Variants in RPS6KC1 observed in about 807,000 individuals in gnomAD.
The protein encoded by RPS6KC1 is ribosomal protein S6 kinase C1.
RPS6KC1 carries 54 observed loss-of-function variants against 103.8 expected under a neutral mutation model. The ratio of observed to expected loss-of-function variants is 0.52; its 90% CI spans 0.42 to 0.65. RPS6KC1 has a LOEUF of 0.65. RPS6KC1 is among the 30% of genes least tolerant of loss of function. The probability of loss-of-function intolerance (pLI) is 0.00; values close to 1 mark genes in which losing one functional copy is unlikely to be tolerated. For synonymous variants in RPS6KC1, 439 were observed against 438.7 expected, an observed-to-expected ratio of 1.00 and a Z score of -0.01; for missense variants, 1,151 against 1,253.8, an observed-to-expected ratio of 0.92 and a Z score of 1.24.
the RPS6KC1 span, among the ~76,000 whole-genome samples, chr1:213,755,262 C>T: frequency 8.7e-4 from 133 of 152,200 alleles, no homozygotes; most frequent in African/African-American, 2.9e-3. Context: ...GCAAAAGCTG[C>T]GAAAACTTTT....
the RPS6KC1 span, among the ~76,000 whole-genome samples, chr1:213,357,374 T>C: frequency 6.6e-6 from 1 of 152,154 alleles, no homozygotes; most frequent in Non-Finnish European, 1.5e-5. Context: ...TGGCTCTGGG[T>C]CTACCTAGAT....
intron 3 of RPS6KC1, among the ~76,000 whole-genome samples, chr1:213,082,475 A>G (rs1263350030): frequency 1.3e-5 from 2 of 152,136 alleles, no homozygotes; most frequent in East Asian, 1.9e-4. Context: ...TTGGAGCCTC[A>G]TGGTATTCGG....
At chr1:213,818,932 G>T in the RPS6KC1 span, 3 of 152,200 alleles carry the variant, frequency 2.0e-5, no homozygotes, top group Admixed American at 6.5e-5. Flanking sequence ...TAGTCCTTTT[G>T]CCTCCTCCGT....
At chr1:213,482,686 C>CT in the RPS6KC1 span, among the ~76,000 whole-genome samples, 5 of 150,724 alleles carry the variant, frequency 3.3e-5, no homozygotes, top group Non-Finnish European at 7.4e-5. Context: ...GTAGCTGGGA[C>CT]TACAGGCATG....
chr1:213,176,049 A>G (rs922341971), intron 7 of RPS6KC1, among the ~76,000 whole-genome samples: 3 of 152,104 alleles, frequency 2.0e-5, no homozygotes, highest in African/African-American at 7.2e-5. Flanking sequence ...TAAGACTGGG[A>G]TTGATTGTTG....
chr1:213,393,484 G>C, the RPS6KC1 span, among the ~76,000 whole-genome samples: 2 of 152,140 alleles, frequency 1.3e-5, no homozygotes, highest in African/African-American at 4.8e-5. Context: ...TCACCATCCT[G>C]CATGCTGCTG....
At chr1:213,777,715 C>A in the RPS6KC1 span, among the ~76,000 whole-genome samples, 2 of 152,186 alleles carry the variant, frequency 1.3e-5, no homozygotes, top group Non-Finnish European at 2.9e-5. Flanking sequence ...GCCTGTATAG[C>A]AATCCTACAT....
chr1:213,479,515 GT>G, the RPS6KC1 span, among the ~76,000 whole-genome samples: 3 of 151,834 alleles, frequency 2.0e-5, no homozygotes, highest in African/African-American at 7.3e-5. Context: ...TATATTGGTC[GT>G]TTTCTCATTT....
At chr1:213,157,853 G>A (rs1163394457) in intron 6 of RPS6KC1, among the ~76,000 whole-genome samples, 1 of 152,136 alleles carries the variant, frequency 6.6e-6, no homozygotes, top group Non-Finnish European at 1.5e-5. Context: ...AGATCTGTTA[G>A]TAGATGCAGG....
chr1:213,719,557 G>T, the RPS6KC1 span, among the ~76,000 whole-genome samples: 32,046 of 117,192 alleles, frequency 0.27, 3,847 homozygotes, highest in South Asian at 0.38. Context: ...TTCTTAGTTC[G>T]TTTTTTTTAA....
the RPS6KC1 span, among the ~76,000 whole-genome samples, chr1:213,860,149 A>C: frequency 6.6e-6 from 1 of 150,960 alleles, no homozygotes; most frequent in African/African-American, 2.4e-5. Context: ...ATATATCTGA[A>C]TATATATAGG....
chr1:213,103,150 TTGATCACTC>T (rs2082157328), intron 3 of RPS6KC1, among the ~76,000 whole-genome samples: 1 of 151,818 alleles, frequency 6.6e-6, no homozygotes, highest in African/African-American at 2.4e-5. Context: ...CAGTGAGGTT[TTGATCACTC>T]TGGGTGACAG....
rs192764013 is a variant in RPS6KC1 at position 213,271,317 on chromosome 1, G to A, written c.3091-1207G>A. On this transcript the variant is annotated intron_variant, in intron 14 of 14. Coordinates refer to ENST00000366960, the MANE Select transcript of RPS6KC1 (RefSeq NM_012424.6). ...ATAATGATAAGTGAAAGAAGGCAGC[G>A]TCAAAAGACTACATATTTTATTATT... Among the ~76,000 whole-genome samples the A allele has an allele frequency of 3.2e-4, 49 of 152,180 alleles. 1 individual carries two copies. The highest frequency in any genetic ancestry group is 2.5e-3 in the South Asian group (12 of 4,816).
the RPS6KC1 span, among the ~76,000 whole-genome samples, chr1:213,623,446 C>T: frequency 2.0e-5 from 3 of 152,102 alleles, no homozygotes; most frequent in East Asian, 1.9e-4. Context: ...CGAGGGATGC[C>T]GGAAATATAA....
chr1:213,341,732 A>G, the RPS6KC1 span, among the ~76,000 whole-genome samples: 786 of 152,290 alleles, frequency 5.2e-3, 6 homozygotes, highest in African/African-American at 0.018. Context: ...TCTTTGTCTC[A>G]TGGATAAGAA....
the RPS6KC1 span, among the ~76,000 whole-genome samples, chr1:213,613,601 A>G: frequency 6.6e-6 from 1 of 152,240 alleles, no homozygotes; most frequent in Admixed American, 6.5e-5. Flanking sequence ...TGTATCTATT[A>G]TCCTCTCCTT....
At position 213,099,275 on chromosome 1, in the gene RPS6KC1, C is replaced by T. The variant is rs571854999; in HGVS notation, c.263-5179C>T. On this transcript the variant is annotated intron_variant, in intron 3 of 14. Coordinates refer to ENST00000366960, the MANE Select transcript of RPS6KC1 (RefSeq NM_012424.6). ...TGTTTTTTCATTTATGCTACGAGTACTATTTTTTTCTTTGTAGTAGACTTT... is the reference window on the plus strand; with the variant it reads ...TGTTTTTTCATTTATGCTACGAGTATTATTTTTTTCTTTGTAGTAGACTTT... 1.5e-4 allele frequency among the ~76,000 whole-genome samples: 23 copies of T among 152,068 alleles called. No individual in the cohort carries two copies. In the East Asian group the frequency reaches 4.1e-3, roughly 27 times the overall value.
chr1:213,560,498 C>T, the RPS6KC1 span, among the ~76,000 whole-genome samples: 8 of 152,186 alleles, frequency 5.3e-5, no homozygotes, highest in South Asian at 2.1e-4. Context: ...ACGGGGACCT[C>T]GGATATACAA....
chr1:213,627,465 T>A, the RPS6KC1 span, among the ~76,000 whole-genome samples: 1 of 152,048 alleles, frequency 6.6e-6, no homozygotes, highest in Admixed American at 6.6e-5. Context: ...CTATGTTGAA[T>A]AGGAGTGGTG....
Sources: allele counts gnomAD v4.1 joint callset (sites outside exome capture counted in the v4.1 genomes callset), GRCh38; gene constraint gnomAD v4.1.1; transcripts MANE v1.5; gene names NCBI Gene and HGNC (gene_info 2026-07-23, HGNC 2026-07-21).